The following IDO2 variants were observed in gnomAD, a reference collection of about 807,000 sequenced individuals.
IDO2 encodes indoleamine 2,3-dioxygenase 2.
In IDO2, 46 loss-of-function variants were observed where a neutral mutation model predicts 45.1. That is an observed-to-expected ratio of 1.02 (90% CI 0.80 to 1.30). The LOEUF is 1.30. Among genes scored for constraint, IDO2 ranks in the 50% most tolerant of loss-of-function variants. The pLI is 0.00. For synonymous variants in IDO2, 218 were observed against 184.9 expected (o/e 1.18, Z -1.45); for missense variants, 544 against 491.8 (o/e 1.11, Z -1.00).
intron 3 of IDO2, among the ~76,000 whole-genome samples, chr8:39,975,112 G>A (rs1248409747): frequency 2.7e-5 from 4 of 149,814 alleles, no homozygotes; most frequent in East Asian, 2.0e-4. Context: ...GAAAGACTCC[G>A]TCTCAAAAAA....
Position 39,963,594 on chromosome 8 carries a change from T to C in IDO2, c.100-14T>C, listed in dbSNP as rs1210821573. On this transcript the variant is annotated splice_polypyrimidine_tract_variant and intron_variant, in intron 2 of 10. Coordinates refer to ENST00000502986, the Ensembl canonical transcript of IDO2. The stretch of plus-strand genomic sequence containing the variant: ...GAGGTCTAAAATATTTACATGTTTC[T>C]ATTTTAAATGCAGAAAGAACTTCCA... The C allele has an allele frequency of 4.5e-6, 7 of 1,541,642 alleles. No homozygotes were observed. Among genetic ancestry groups the C allele is most frequent in the Non-Finnish European group, 6.2e-6 (7 of 1,122,188 alleles).
chr8:39,949,043 C>T (rs1366692487), intron 1 of IDO2, 106 bp from the exon 2 acceptor site: 4 of 1,438,324 alleles, frequency 2.8e-6, no homozygotes, highest in Non-Finnish European at 3.7e-6. Flanking sequence ...GGGAAAAGTT[C>T]TCTCCTGTGC....
In IDO2 at chr8:39,990,407, G is replaced by C. The variant is rs150264739; in HGVS notation, c.667+569G>C. ...AAAAATTTTTAAACCTTGACAAATA[G>C]AGCTGGGGAAGGCTACAAAGAGAGA... is the stretch of plus-strand genomic sequence containing the variant. On this transcript the variant is annotated intron_variant, in intron 8 of 10. Transcript: ENST00000502986. Among the ~76,000 whole-genome samples, 88 of 152,294 alleles carry C rather than the reference G, an allele frequency of 5.8e-4. 1 individual carries two copies. The highest frequency in any genetic ancestry group is 3.4e-3 in the Middle Eastern group (1 of 294).
At chr8:39,986,771 A>T (rs548858225) in intron 6 of IDO2, 2 of 151,978 alleles carry the variant, frequency 1.3e-5, no homozygotes, top group South Asian at 2.1e-4. Context: ...TGTAACCCCC[A>T]CATGTCAGGA....
exon 11 of IDO2, chr8:40,016,256 A>C: frequency 2.5e-6 from 1 of 398,352 alleles, no homozygotes; most frequent in Non-Finnish European, 4.4e-6. Context: ...TTTTAGAAGA[A>C]TTATTCTCTC....
chr8:39,962,231 C>A (rs570913300), intron 2 of IDO2, among the ~76,000 whole-genome samples: 14 of 152,194 alleles, frequency 9.2e-5, no homozygotes, highest in African/African-American at 3.4e-4. Flanking sequence ...TTGCCTTAAG[C>A]CCCCAGCCCC....
chr8:39,935,031 C>T (rs1024246801), exon 1 of IDO2: 8 of 739,468 alleles, frequency 1.1e-5, no homozygotes, highest in African/African-American at 7.0e-5. Context: ...CCAGTTGAAA[C>T]ATCCTCCTAC....
At chr8:40,010,600 G>A (rs879275995) in intron 9 of IDO2, among the ~76,000 whole-genome samples, 3 of 152,124 alleles carry the variant, frequency 2.0e-5, no homozygotes, top group Non-Finnish European at 2.9e-5. Context: ...TAGGGTACAA[G>A]GGCTAAAGGT....
intron 1 of IDO2, among the ~76,000 whole-genome samples, chr8:39,941,552 C>T (rs1807643118): frequency 6.6e-6 from 1 of 152,042 alleles, no homozygotes; most frequent in Non-Finnish European, 1.5e-5. Flanking sequence ...AAGATAGTTA[C>T]AGACCCACAA....
chr8:39,941,221 CAAAA>C (rs59745370), intron 1 of IDO2, among the ~76,000 whole-genome samples: 3 of 80,586 alleles, frequency 3.7e-5, no homozygotes, highest in South Asian at 5.3e-4. Context: ...GACTCCATCT[CAAAA>C]AAAAAAAAAA....
intron 3 of IDO2, among the ~76,000 whole-genome samples, chr8:39,971,870 G>T (rs60085337): frequency 6.6e-6 from 1 of 151,874 alleles, no homozygotes; most frequent in Non-Finnish European, 1.5e-5. Context: ...GTGCAGTGGC[G>T]CAATCTTGGC....
At chr8:39,976,050 G>C (rs1207471146) in intron 3 of IDO2, among the ~76,000 whole-genome samples, 1 of 152,102 alleles carries the variant, frequency 6.6e-6, no homozygotes, top group Non-Finnish European at 1.5e-5. Context: ...GACCATCCTG[G>C]CTCACTGAAA....
chr8:40,015,384 T>C (rs1048647583), exon 11 of IDO2: 2 of 1,613,880 alleles, frequency 1.2e-6, no homozygotes, highest in South Asian at 2.2e-5. Flanking sequence ...TTATAACCAG[T>C]GTGTGCAGGC....
At chr8:39,949,327 T>A (rs1411577424) in intron 2 of IDO2, 63 bp downstream of exon 2, 24 of 1,313,494 alleles carry the variant, frequency 1.8e-5, no homozygotes, top group Non-Finnish European at 2.0e-5. Context: ...GGTTGGTTTG[T>A]TTTTTAAAAA....
chr8:40,002,304 T>G (rs982994485), intron 8 of IDO2, among the ~76,000 whole-genome samples: 2 of 152,122 alleles, frequency 1.3e-5, no homozygotes, highest in African/African-American at 4.8e-5. Flanking sequence ...TTTTCTAGGC[T>G]CTCTGTTCTG....
chr8:39,976,570 G>A (rs899126678), intron 3 of IDO2, among the ~76,000 whole-genome samples: 2 of 152,200 alleles, frequency 1.3e-5, no homozygotes, highest in Non-Finnish European at 2.9e-5. Context: ...TAAATAGGAA[G>A]TTATAAGATG....
chr8:39,947,577 C>G (rs1807756987), intron 1 of IDO2, among the ~76,000 whole-genome samples: 1 of 152,116 alleles, frequency 6.6e-6, no homozygotes, highest in Non-Finnish European at 1.5e-5. Flanking sequence ...TTCTAAGTTG[C>G]TAGCCAATTG....
intron 8 of IDO2, chr8:39,995,254 T>TCTCCTTCTCCTTCTCCTTCTC (rs1563438309): frequency 9.2e-6 from 1 of 109,204 alleles, no homozygotes; most frequent in Admixed American, 1.0e-4. Context: ...TCCTTCTCCT[T>TCTCCTTCTCCTTCTCCTTCTC]CTTCTTCTTC....
At chr8:39,944,063 A>G (rs932992216) in intron 1 of IDO2, among the ~76,000 whole-genome samples, 3 of 150,740 alleles carry the variant, frequency 2.0e-5, no homozygotes, top group African/African-American at 7.4e-5. Context: ...GAACGGTTGC[A>G]TTAGTTAATC....
Sources: allele counts gnomAD v4.1 joint callset (sites outside exome capture counted in the v4.1 genomes callset), GRCh38; gene constraint gnomAD v4.1.1; transcripts MANE v1.5; gene names NCBI Gene and HGNC (gene_info 2026-07-23, HGNC 2026-07-21).